The following ZFYVE26 variants were observed in gnomAD, a reference collection of about 807,000 sequenced individuals.
The protein encoded by ZFYVE26 is zinc finger FYVE domain-containing protein 26.
ZFYVE26 carries 181 observed loss-of-function variants against 276.5 expected under a neutral mutation model. The ratio of observed to expected loss-of-function variants is 0.65; its 90% CI spans 0.58 to 0.74. ZFYVE26 has a LOEUF of 0.74. Among genes scored for constraint, ZFYVE26 ranks in the 30% least tolerant of loss-of-function variants. The probability of loss-of-function intolerance (pLI) is 0.00; values close to 1 mark genes in which losing one functional copy is unlikely to be tolerated. For synonymous variants in ZFYVE26, 1,129 were observed against 1,203.1 expected (o/e 0.94, Z 1.27); for missense variants, 2,821 against 3,097.9 (o/e 0.91, Z 2.12).
Position 67,748,437 on chromosome 14 carries a change from C to G in ZFYVE26, c.7619G>C (p.Ter2540SerextTer18). The change falls in exon 42 of 42, where the codon TGA (stop) becomes TCA (serine). Residue 2540 changes from the stop codon to serine, a stop_lost. Transcript: ENST00000347230. ...RGAHGPGSRK[*>S] ...TGTTCCTGGCCCCACTGCCCAAGGT[C>G]ACTTCCTGGAGCCTGGGCCATGGGC... The G allele has an allele frequency of 6.2e-7, 1 of 1,611,968 alleles. No homozygotes were observed. Among genetic ancestry groups the G allele is most frequent in the Non-Finnish European group, 8.5e-7 (1 of 1,179,856 alleles).
intron 10 of ZFYVE26, 59 bp downstream of exon 10, chr14:67,802,020 A>G: frequency 6.3e-7 from 1 of 1,586,598 alleles, no homozygotes; most frequent in Non-Finnish European, 8.6e-7. Context: ...AAACACACAA[A>G]GCACCCACTG....
At chr14:67,810,036 G>T (rs561038940) in intron 3 of ZFYVE26, among the ~76,000 whole-genome samples, 2 of 151,956 alleles carry the variant, frequency 1.3e-5, no homozygotes, top group African/African-American at 4.8e-5. Context: ...CGCCTGCCTC[G>T]GCCTTCCAAA....
chr14:67,783,863 A>C (rs1371017768), intron 20 of ZFYVE26, among the ~76,000 whole-genome samples: 1 of 152,258 alleles, frequency 6.6e-6, no homozygotes, highest in African/African-American at 2.4e-5. Flanking sequence ...CAAGATTGCA[A>C]TGAAATGATT....
At chr14:67,797,514 C>G (rs965968966) in intron 12 of ZFYVE26, 158 bp downstream of exon 12, 12 of 786,162 alleles carry the variant, frequency 1.5e-5, no homozygotes, top group African/African-American at 6.8e-5. Context: ...TGAAAGGATA[C>G]ATAGGAAACT....
Position 67,753,920 on chromosome 14 carries a change from T to A in ZFYVE26, c.7128+151A>T, listed in dbSNP as rs567209293. On this transcript the variant is annotated intron_variant, in intron 38 of 41. Transcript: ENST00000347230. ...ACTAGGGATATAAGAATGATCAAAA[T>A]GGACCTGATCACCAGTCTTTGGTGG... The A allele has an allele frequency of 4.7e-6, 7 of 1,495,762 alleles. No homozygotes were observed. The African/African-American group carries it at 9.7e-5, about 21-fold the overall frequency. The allele number at this position is 1,495,762 out of a possible 1,614,324, so 92.7% of individuals were successfully genotyped here. A position where few individuals can be genotyped will look rare whatever the true frequency, so the allele number is the denominator to read the frequency against.
At chr14:67,735,170 A>C (rs1031569617) in intron 13 of ZFYVE26, 2 of 1,154,496 alleles carry the variant, frequency 1.7e-6, no homozygotes, top group African/African-American at 3.0e-5. Context: ...CAGAATATTA[A>C]GCCACAGTCG....
chr14:67,777,485 C>T lies in ZFYVE26; in HGVS notation c.4974+74G>A, dbSNP rs767972. The T allele has an allele frequency of 0.64, 1,035,078 of 1,608,728 alleles. 337,901 individuals carry two copies. Among genetic ancestry groups the T allele is most frequent in the East Asian group, 0.92 (41,074 of 44,836 alleles). ...GCTCGCAGTCTCTCCCTCAGGTATG[C>T]CTTCCCAACACCTCCTTTTCCTCCT... On this transcript the variant is annotated intron_variant, in intron 25 of 41. Coordinates refer to ENST00000347230, the MANE Select transcript of ZFYVE26 (RefSeq NM_015346.4).
intron 13 of ZFYVE26, among the ~76,000 whole-genome samples, chr14:67,736,621 G>A (rs2038355361): frequency 6.6e-6 from 1 of 152,172 alleles, no homozygotes; most frequent in African/African-American, 2.4e-5. Context: ...AAAGCATATG[G>A]GAAAAGAGGA....
chr14:67,767,858 A>G lies in ZFYVE26; in HGVS notation c.5654-18T>C. ...GTCTAGAGCTGAGAAGAGAAATGCC[A>G]TTCATGTGTCATTCACTGGCTGGCA... On this transcript the variant is annotated intron_variant, in intron 30 of 41. Transcript: ENST00000347230. The G allele has an allele frequency of 6.2e-7, 1 of 1,614,148 alleles. No individual in the cohort carries two copies. The highest frequency in any genetic ancestry group is 8.5e-7 in the Non-Finnish European group (1 of 1,180,000).
At chr14:67,738,231 G>A (rs2038373971) in intron 13 of ZFYVE26, among the ~76,000 whole-genome samples, 2 of 151,554 alleles carry the variant, frequency 1.3e-5, no homozygotes. Flanking sequence ...AGGAGGCATT[G>A]TTCATATTAG....
chr14:67,809,909 C>T (rs1000874710), intron 3 of ZFYVE26, among the ~76,000 whole-genome samples: 15 of 151,802 alleles, frequency 9.9e-5, no homozygotes, highest in African/African-American at 9.7e-5. Context: ...CTCAGGCTCC[C>T]GAGAAGCTGG....
In ZFYVE26 at chr14:67,783,393, C is replaced by T; in HGVS notation, c.3759G>A (p.Leu1253=). 1 of 1,614,132 alleles carries T rather than the reference C, an allele frequency of 6.2e-7. No homozygotes were observed. Among genetic ancestry groups the T allele is most frequent in the East Asian group, 2.2e-5 (1 of 44,876 alleles). The change falls in exon 21 of 42, where the codon CTG becomes CTA. Residue 1253 remains leucine (L), a synonymous_variant. Coordinates refer to ENST00000347230, the MANE Select transcript of ZFYVE26 (RefSeq NM_015346.4). ...SQQTSSLLTR[L]GTLAQLHASH... is the part of the protein sequence containing the mutation. ...AGGCGTGTAGCTGGGCCAGAGTACC[C>T]AGACGAGTCAGGAGGGAGGAGGTCT...
At chr14:67,754,356 G>A (rs2038723996) in intron 37 of ZFYVE26, 144 bp from the exon 38 acceptor site, 1 of 1,152,290 alleles carries the variant, frequency 8.7e-7, no homozygotes, top group South Asian at 1.3e-5. Flanking sequence ...TACCTTGTGA[G>A]CAGTTATGAC....
chr14:67,775,882 G>A lies in ZFYVE26; in HGVS notation c.5199C>T (p.Tyr1733=), dbSNP rs2039328201. The A allele has an allele frequency of 6.2e-7, 1 of 1,614,100 alleles. No individual in the cohort carries two copies. The highest frequency in any genetic ancestry group is 1.3e-5 in the African/African-American group (1 of 74,944). ...RYAEKALDFP[Y]PQREKRSDSV... ...TACCTGATCGTTTCTCCCTCTGAGG[G>A]TATGGAAAGTCCAGGGCTTTCTCTG... The change falls in exon 26 of 42, where the codon TAC becomes TAT. Residue 1733 remains tyrosine (Y), a synonymous_variant. Transcript: ENST00000347230.
intron 30 of ZFYVE26, 45 bp downstream of exon 30, chr14:67,768,472 T>C: frequency 6.2e-7 from 1 of 1,605,676 alleles, no homozygotes; most frequent in African/African-American, 1.3e-5. Context: ...AGAGTCAACT[T>C]AAGTACACAA....
At chr14:67,758,625 TTTTATTTA>T (rs145025077) in intron 35 of ZFYVE26, among the ~76,000 whole-genome samples, 1 of 150,136 alleles carries the variant, frequency 6.7e-6, no homozygotes, top group African/African-American at 2.5e-5. Context: ...ATAAATAGAA[TTTTATTTA>T]TTTATTTATT....
At chr14:67,736,814 C>T (rs1052468247) in intron 13 of ZFYVE26, among the ~76,000 whole-genome samples, 4 of 152,104 alleles carry the variant, frequency 2.6e-5, no homozygotes, top group African/African-American at 9.7e-5. Context: ...AGAAGCGGGA[C>T]AGGGCAGAGG....
intron 35 of ZFYVE26, among the ~76,000 whole-genome samples, chr14:67,756,618 A>G (rs374037012): frequency 3.2e-3 from 482 of 152,112 alleles, no homozygotes; most frequent in African/African-American, 0.011. Context: ...CCTCCAGCAC[A>G]CTATCCTCTC....
Position 67,731,561 on chromosome 14 carries a change from G to A in ZFYVE26, n.2680-1742C>T, listed in dbSNP as rs979930625. ...ACAGTTGCTACTCTAGAGTCTGAGT[G>A]TTTAACATTGCTGCCTTAAATATGT... On this transcript the variant is annotated intron_variant and non_coding_transcript_variant, in intron 13 of 14. Transcript: ENST00000394455. Among the ~76,000 whole-genome samples, 5 of 151,772 alleles carry A rather than the reference G, an allele frequency of 3.3e-5. No individual in the cohort carries two copies. In the South Asian group the frequency reaches 1.0e-3, roughly 31 times the overall value.
Sources: gnomAD v4.1 joint callset for allele counts (sites outside exome capture counted in the v4.1 genomes callset) on GRCh38, gnomAD v4.1.1 for gene constraint, MANE v1.5 for transcripts, NCBI Gene and HGNC (gene_info 2026-07-23, HGNC 2026-07-21) for gene names.